Variants in C19orf38 observed in about 807,000 individuals in gnomAD.
C19orf38 encodes the protein protein HIDE1.
In C19orf38, 14 loss-of-function variants were observed where a neutral mutation model predicts 26.6. The observed-to-expected ratio is 0.53, with a 90% CI of 0.35 to 0.82. The LOEUF is 0.82. Among genes scored for constraint, C19orf38 ranks in the 40% least tolerant of loss-of-function variants. The probability of loss-of-function intolerance (pLI) is 0.01; values close to 1 mark genes in which losing one functional copy is unlikely to be tolerated. For synonymous variants in C19orf38, 132 were observed against 128.5 expected, an observed-to-expected ratio of 1.03 and a Z score of -0.18; for missense variants, 261 against 299.5, an observed-to-expected ratio of 0.87 and a Z score of 0.95.
At chr19:10,841,839 A>C in intron 1 of C19orf38, 3 of 1,386,610 alleles carry the variant, frequency 2.2e-6, no homozygotes. Context: ...TTAGCTGGGC[A>C]TGGGAACAAT....
intron 3 of C19orf38, among the ~76,000 whole-genome samples, chr19:10,857,353 TA>T (rs1568336473): frequency 2.4e-4 from 19 of 80,158 alleles, no homozygotes; most frequent in African/African-American, 1.8e-3. Context: ...TATATATATA[TA>T]TATATATATA....
Position 10,848,420 on chromosome 19 carries a change from T to A in C19orf38, c.-89T>A. 1.4e-6 allele frequency: 2 copies of A among 1,406,682 alleles called. No homozygotes were observed. The highest frequency in any genetic ancestry group is 2.0e-6 in the Non-Finnish European group (2 of 1,017,118). 87.1% of individuals were successfully genotyped at this position (1,406,682 alleles called of 1,614,324 possible). A position where few individuals can be genotyped will look rare whatever the true frequency, so the allele number is the denominator to read the frequency against. ...CTCGAGAATCAGCCCTGGTTCTCCT[T>A]TCCCCGATCTGGCCTCACAGGAGGA... On this transcript the variant is annotated 5_prime_UTR_variant, in exon 1 of 7. Coordinates refer to ENST00000397820, the MANE Select transcript of C19orf38 (RefSeq NM_001136482.3).
intron 5 of C19orf38, among the ~76,000 whole-genome samples, 194 bp from the exon 6 acceptor site, chr19:10,862,976 G>A (rs1210796356): frequency 6.6e-6 from 1 of 152,128 alleles, no homozygotes; most frequent in Non-Finnish European, 1.5e-5. Context: ...AAGACTGTGT[G>A]TAGAAGGACT....
chr19:10,858,170 G>A (rs1188340000), intron 3 of C19orf38, 146 bp from the exon 4 acceptor site: 1 of 709,998 alleles, frequency 1.4e-6, no homozygotes, highest in Non-Finnish European at 2.2e-6. Context: ...AGAGGTTGCA[G>A]TGAGCCAAGA....
At chr19:10,850,231 C>G in intron 1 of C19orf38, 28 bp from the exon 2 acceptor site, 2 of 1,527,472 alleles carry the variant, frequency 1.3e-6, no homozygotes, top group Non-Finnish European at 1.8e-6. Context: ...TCACCACGCA[C>G]CCACCCACCT....
At chr19:10,857,450 T>C (rs1449442284) in intron 3 of C19orf38, among the ~76,000 whole-genome samples, 4 of 145,986 alleles carry the variant, frequency 2.7e-5, no homozygotes, top group Admixed American at 6.9e-5. Context: ...TCACTTGCTC[T>C]GTTGCCAGCC....
At chr19:10,868,237 T>C (rs965732131) in intron 6 of C19orf38, among the ~76,000 whole-genome samples, 2 of 152,244 alleles carry the variant, frequency 1.3e-5, no homozygotes, top group African/African-American at 4.8e-5. Context: ...TATGCAACTT[T>C]GTAACACCCT....
At chr19:10,865,303 C>T (rs1247486066) in intron 6 of C19orf38, among the ~76,000 whole-genome samples, 29 of 152,046 alleles carry the variant, frequency 1.9e-4, no homozygotes, top group Non-Finnish European at 3.5e-4. Flanking sequence ...CCTGCCATCG[C>T]GCCCGGCTAA....
At position 10,859,339 on chromosome 19, in the gene C19orf38, T is replaced by A. The variant is rs193087355; in HGVS notation, c.462-576T>A. Among the ~76,000 whole-genome samples, 68 of 57,858 alleles carry A rather than the reference T, an allele frequency of 1.2e-3. 1 individual carries two copies. Among genetic ancestry groups the A allele is most frequent in the African/African-American group, 4.0e-3 (55 of 13,706 alleles). The allele number at this position is 57,858 out of a possible 152,430, so 38.0% of individuals were successfully genotyped here. ...GTGTGTGTGTGTATGTATGTGTGTG[T>A]GTGTGTGTGTATATATATATATATA... On this transcript the variant is annotated intron_variant, in intron 4 of 6. Transcript: ENST00000397820.
chr19:10,858,676 C>T (rs1279569613), intron 4 of C19orf38, among the ~76,000 whole-genome samples: 1 of 152,156 alleles, frequency 6.6e-6, no homozygotes, highest in Non-Finnish European at 1.5e-5. Context: ...TTACCTCCAG[C>T]TGCCAGAAAA....
chr19:10,847,537 C>T, upstream of C19orf38, among the ~76,000 whole-genome samples: 1 of 152,032 alleles, frequency 6.6e-6, no homozygotes, highest in African/African-American at 2.4e-5. Context: ...CCACGCCCGG[C>T]TAATTTTTTG....
chr19:10,852,147 G>A (rs1289079609), intron 2 of C19orf38, among the ~76,000 whole-genome samples: 1 of 150,766 alleles, frequency 6.6e-6, no homozygotes, highest in Non-Finnish European at 1.5e-5. Context: ...GCAAGATTCT[G>A]TCTCAAAAAA....
At position 10,865,187 on chromosome 19, in the gene C19orf38, T is replaced by G. The variant is rs1388756510; in HGVS notation, c.543+1980T>G. ...TGTTTTTTGAGATGGAGTCTTGCTC[T>G]GTCACCCAGGCTGGAGTGCAGTGGC... On this transcript the variant is annotated intron_variant, in intron 6 of 6. Coordinates refer to ENST00000397820, the MANE Select transcript of C19orf38 (RefSeq NM_001136482.3). Among the ~76,000 whole-genome samples, 7 of 152,056 alleles carry G rather than the reference T, an allele frequency of 4.6e-5. No homozygotes were observed. The East Asian group carries it at 1.4e-3, about 30-fold the overall frequency.
At chr19:10,868,104 TG>T (rs139396210) in intron 6 of C19orf38, among the ~76,000 whole-genome samples, 2,236 of 152,322 alleles carry the variant, frequency 0.015, 58 homozygotes, top group African/African-American at 0.051. Flanking sequence ...AAATTTCTTT[TG>T]GAGTCTCTGC....
chr19:10,845,277 C>A (rs2073508406), upstream of C19orf38, among the ~76,000 whole-genome samples: 1 of 152,024 alleles, frequency 6.6e-6, no homozygotes, highest in Admixed American at 6.6e-5. Flanking sequence ...ACACCGTGTA[C>A]TTGAATTTCT....
chr19:10,858,692 A>G (rs997991595), intron 4 of C19orf38, among the ~76,000 whole-genome samples: 22 of 152,254 alleles, frequency 1.4e-4, no homozygotes, highest in Non-Finnish European at 1.8e-4. Flanking sequence ...GAAAACGGTC[A>G]CAATCACTCT....
chr19:10,848,732 C>T (rs902805052), intron 1 of C19orf38, among the ~76,000 whole-genome samples, 193 bp downstream of exon 1: 1 of 152,172 alleles, frequency 6.6e-6, no homozygotes, highest in Non-Finnish European at 1.5e-5. Flanking sequence ...TCTTCTTAGG[C>T]TCCTCATCAC....
At chr19:10,868,211 C>T (rs1412242988) in intron 6 of C19orf38, among the ~76,000 whole-genome samples, 1 of 152,188 alleles carries the variant, frequency 6.6e-6, no homozygotes, top group African/African-American at 2.4e-5. Flanking sequence ...TCCCCATTAC[C>T]TTGCTGAGTG....
chr19:10,856,137 C>T, intron 2 of C19orf38, 128 bp from the exon 3 acceptor site: 2 of 676,440 alleles, frequency 3.0e-6, no homozygotes, highest in Non-Finnish European at 5.0e-6. Flanking sequence ...ACAAAGTTTG[C>T]TAAGTCTCTT....
Sources: allele counts gnomAD v4.1 joint callset (sites outside exome capture counted in the v4.1 genomes callset), GRCh38; gene constraint gnomAD v4.1.1; transcripts MANE v1.5; gene names NCBI Gene and HGNC (gene_info 2026-07-23, HGNC 2026-07-21).